EPB41L2: variants seen among roughly 807,000 people sequenced by gnomAD.
EPB41L2 encodes band 4.1-like protein 2.
EPB41L2 carries 43 observed loss-of-function variants against 113.0 expected under a neutral mutation model. The observed-to-expected ratio is 0.38, with a 90% CI of 0.30 to 0.49. The LOEUF (loss-of-function observed/expected upper bound fraction) is 0.49, where lower values mean the gene tolerates loss of function less well. EPB41L2 is among the 20% of genes least tolerant of loss of function. EPB41L2 has a pLI of 0.95. For synonymous variants in EPB41L2, 442 were observed against 436.7 expected, an observed-to-expected ratio of 1.01 and a Z score of -0.15; for missense variants, 1,147 against 1,223.4, an observed-to-expected ratio of 0.94 and a Z score of 0.93.
At chr6:130,911,606 A>T (rs970514516) in intron 4 of EPB41L2, among the ~76,000 whole-genome samples, 2 of 152,144 alleles carry the variant, frequency 1.3e-5, no homozygotes, top group African/African-American at 2.4e-5. Context: ...AGAAAGCTTT[A>T]AAAAAATGCT....
intron 1 of EPB41L2, among the ~76,000 whole-genome samples, chr6:131,006,102 G>A (rs1384188283): frequency 1.3e-5 from 2 of 151,784 alleles, no homozygotes; most frequent in African/African-American, 2.4e-5. Flanking sequence ...TGTCAACCAC[G>A]CTGAAGTGCA....
chr6:130,976,204 T>C (rs974545192), intron 1 of EPB41L2, among the ~76,000 whole-genome samples: 17 of 152,122 alleles, frequency 1.1e-4, no homozygotes, highest in African/African-American at 3.9e-4. Context: ...TTTTTTAACG[T>C]TTTTAAAAAT....
rs181625890 is a variant in EPB41L2, at chr6:130,919,427, G to T, written c.810+7178C>A. Among the ~76,000 whole-genome samples, 3 of 152,000 alleles carry T rather than the reference G, an allele frequency of 2.0e-5. No individual in the cohort carries two copies. In the South Asian group the frequency reaches 6.2e-4, roughly 32 times the overall value. ...CCCTGGGTCTTGTCATCATCACATA[G>T]TTCTTCACCTCATTAGACTTCATCA... On this transcript the variant is annotated intron_variant, in intron 4 of 19. Transcript: ENST00000337057.
At chr6:130,997,040 C>G (rs1398738342) in intron 1 of EPB41L2, among the ~76,000 whole-genome samples, 2 of 152,110 alleles carry the variant, frequency 1.3e-5, no homozygotes, top group African/African-American at 2.4e-5. Context: ...ATAGATTTAC[C>G]AAAAACACAG....
intron 1 of EPB41L2, among the ~76,000 whole-genome samples, chr6:130,997,811 C>T (rs1783493941): frequency 6.6e-6 from 1 of 152,060 alleles, no homozygotes; most frequent in African/African-American, 2.4e-5. Flanking sequence ...GAATGACAGT[C>T]TGTAGGGAAG....
intron 11 of EPB41L2, among the ~76,000 whole-genome samples, chr6:130,886,310 G>A (rs1397858909): frequency 6.6e-6 from 1 of 152,090 alleles, no homozygotes; most frequent in Non-Finnish European, 1.5e-5. Context: ...CACCTGCCCT[G>A]TCCAAAACTT....
intron 1 of EPB41L2, among the ~76,000 whole-genome samples, chr6:131,027,326 A>T (rs1791104061): frequency 6.6e-6 from 1 of 152,200 alleles, no homozygotes; most frequent in Non-Finnish European, 1.5e-5. Flanking sequence ...AGCAAGCCTT[A>T]CAAGTTAGAC....
At position 130,901,152 on chromosome 6, in the gene EPB41L2, C is replaced by T; in HGVS notation, c.958G>A (p.Asp320Asn). ...RYFLCLQLRQ[D>N]IASGRLPCSF... is the part of the protein sequence containing the mutation. ...CAGGGCAGGCGGCCAGAGGCAATGT[C>T]CTGCCGGAGCTGAAGGCACAAGAAG... The change falls in exon 7 of 20, where the codon GAC becomes AAC. Residue 320 changes from aspartate (D) to asparagine (N), a missense_variant. Asp to Asn is a conservative substitution (Grantham distance 23). Coordinates refer to ENST00000337057, the MANE Select transcript of EPB41L2 (RefSeq NM_001431.4). 1 of 1,613,826 alleles carries T rather than the reference C, an allele frequency of 6.2e-7. No individual in the cohort carries two copies.
chr6:130,905,364 A>T (rs896756839), intron 5 of EPB41L2, among the ~76,000 whole-genome samples: 1 of 152,042 alleles, frequency 6.6e-6, no homozygotes, highest in Non-Finnish European at 1.5e-5. Flanking sequence ...TTAGAGTTTG[A>T]CTTCAAGTTC....
rs567336785 is a variant in EPB41L2, at chr6:131,023,600, G to A, written c.-15+39555C>T. On this transcript the variant is annotated intron_variant, in intron 1 of 19. Coordinates refer to ENST00000337057, the MANE Select transcript of EPB41L2 (RefSeq NM_001431.4). ...TTCAGGAGGCTGAGGCAGGAGAATCGCTTGAACTCAGGAGGCAGAGGTTGC... is the reference window on the plus strand; with the variant it reads ...TTCAGGAGGCTGAGGCAGGAGAATCACTTGAACTCAGGAGGCAGAGGTTGC... Among the ~76,000 whole-genome samples, 3 of 151,978 alleles carry A rather than the reference G, an allele frequency of 2.0e-5. No individual in the cohort carries two copies. In the East Asian group the frequency reaches 5.8e-4, roughly 29 times the overall value.
Position 130,848,805 on chromosome 6 carries a change from C to T in EPB41L2, c.*6-8207G>A, listed in dbSNP as rs547470813. Among the ~76,000 whole-genome samples, 14 of 152,320 alleles carry T rather than the reference C, an allele frequency of 9.2e-5. No individual in the cohort carries two copies. In the South Asian group the frequency reaches 2.9e-3, roughly 32 times the overall value. On this transcript the variant is annotated intron_variant, in intron 19 of 19. Transcript: ENST00000337057. ...CCTCTGATGCCACCCACAAAATTTA[C>T]ATGTTTAAACAATTGGTATCTGGGG... is the stretch of plus-strand genomic sequence containing the variant.
chr6:130,993,406 C>A (rs1162663557), intron 1 of EPB41L2, among the ~76,000 whole-genome samples: 1 of 152,188 alleles, frequency 6.6e-6, no homozygotes, highest in African/African-American at 2.4e-5. Flanking sequence ...GCTCTTGTAT[C>A]GGTTCAAACC....
intron 8 of EPB41L2, among the ~76,000 whole-genome samples, chr6:130,897,064 G>C (rs981023527): frequency 6.6e-6 from 1 of 152,086 alleles, no homozygotes; most frequent in Non-Finnish European, 1.5e-5. Context: ...CCCTCCTTCA[G>C]ACAGACCTAG....
At chr6:130,935,942 C>CA (rs1270695967) in intron 3 of EPB41L2, among the ~76,000 whole-genome samples, 1 of 151,740 alleles carries the variant, frequency 6.6e-6, no homozygotes. Context: ...CAGAAAACCT[C>CA]AAAAAAGCCC....
chr6:130,954,981 T>C, intron 3 of EPB41L2, 124 bp downstream of exon 3: 3 of 782,008 alleles, frequency 3.8e-6, no homozygotes, highest in East Asian at 5.1e-5. Flanking sequence ...CTTCAATGTA[T>C]TTTTTTTAGT....
At chr6:130,884,948 C>A (rs1186372286) in intron 12 of EPB41L2, 148 bp downstream of exon 12, 4 of 850,656 alleles carry the variant, frequency 4.7e-6, no homozygotes, top group South Asian at 3.5e-5. Context: ...AGGTTAGAGA[C>A]CACTATGCAT....
intron 1 of EPB41L2, among the ~76,000 whole-genome samples, chr6:131,046,933 C>T (rs1451730045): frequency 1.3e-5 from 2 of 152,208 alleles, no homozygotes; most frequent in African/African-American, 4.8e-5. Context: ...GAGGGGAATG[C>T]AAATAGGATC....
rs1431147385 is a variant in EPB41L2 at position 131,062,222 on chromosome 6, TC to T, written c.-15+932del. Among the ~76,000 whole-genome samples, 5 of 151,132 alleles carry T rather than the reference TC, an allele frequency of 3.3e-5. No individual in the cohort carries two copies. In the South Asian group the frequency reaches 8.4e-4, roughly 25 times the overall value. ...TATATATAAAAAAAAAAACTTGACC[TC>T]AGGGGAGGTGAGCGATCTAGAGAAG... is the stretch of plus-strand genomic sequence containing the variant. On this transcript the variant is annotated intron_variant, in intron 1 of 19. Transcript: ENST00000337057.
At chr6:131,006,518 A>G (rs2128719813) in intron 1 of EPB41L2, among the ~76,000 whole-genome samples, 1 of 151,584 alleles carries the variant, frequency 6.6e-6, no homozygotes, top group Admixed American at 6.6e-5. Flanking sequence ...ACAAACAAAA[A>G]ATTTAGCCAA....
Sources: gnomAD v4.1 joint callset for allele counts (sites outside exome capture counted in the v4.1 genomes callset) on GRCh38, gnomAD v4.1.1 for gene constraint, MANE v1.5 for transcripts, NCBI Gene and HGNC (gene_info 2026-07-23, HGNC 2026-07-21) for gene names.